MAGI1: variants seen among roughly 807,000 people sequenced by gnomAD.
MAGI1 encodes membrane associated guanylate kinase, WW and PDZ domain containing 1.
A neutral mutation model predicts 139.9 loss-of-function variants in MAGI1; 58 were observed. The observed-to-expected ratio is 0.41, with a 90% CI of 0.34 to 0.52. The LOEUF is 0.52. MAGI1 is among the 20% of genes least tolerant of loss of function. The pLI, the probability that MAGI1 is intolerant of heterozygous loss-of-function variation, is 0.12. For synonymous variants in MAGI1, 812 were observed against 737.9 expected (o/e 1.10, Z -1.63); for missense variants, 1,874 against 1,901.6 (o/e 0.99, Z 0.27).
At chr3:65,969,105 T>C (rs977420620) in intron 1 of MAGI1, among the ~76,000 whole-genome samples, 1 of 152,198 alleles carries the variant, frequency 6.6e-6, no homozygotes, top group Non-Finnish European at 1.5e-5. Flanking sequence ...AGGTCCTTCA[T>C]AGAACCCAAG....
chr3:65,855,133 G>T (rs2059330797), intron 1 of MAGI1, among the ~76,000 whole-genome samples: 1 of 152,100 alleles, frequency 6.6e-6, no homozygotes, highest in Admixed American at 6.5e-5. Context: ...TGAGTTTACA[G>T]CCTGAAGCAC....
At chr3:65,402,998 TAC>T (rs1945034504) in intron 12 of MAGI1, among the ~76,000 whole-genome samples, 1 of 152,172 alleles carries the variant, frequency 6.6e-6, no homozygotes, top group Non-Finnish European at 1.5e-5. Flanking sequence ...GAGATTCTGA[TAC>T]AGAGAATCTG....
At chr3:65,376,379 T>A (rs1448000020) in intron 17 of MAGI1, among the ~76,000 whole-genome samples, 1 of 152,230 alleles carries the variant, frequency 6.6e-6, no homozygotes, top group Non-Finnish European at 1.5e-5. Context: ...CCAGCTGTTG[T>A]TTAAGCTTCT....
At chr3:65,950,239 G>C (rs1441120341) in intron 1 of MAGI1, among the ~76,000 whole-genome samples, 2 of 151,390 alleles carry the variant, frequency 1.3e-5, no homozygotes, top group Non-Finnish European at 2.9e-5. Context: ...GACCACCCAA[G>C]TGGGTAACTT....
chr3:65,968,708 T>C (rs2107161361), intron 1 of MAGI1, among the ~76,000 whole-genome samples: 1 of 152,170 alleles, frequency 6.6e-6, no homozygotes, highest in South Asian at 2.1e-4. Context: ...GTCAGGATAT[T>C]AGAGACTTTT....
intron 1 of MAGI1, among the ~76,000 whole-genome samples, chr3:65,734,242 G>T (rs939302578): frequency 6.6e-6 from 1 of 152,008 alleles, no homozygotes; most frequent in South Asian, 2.1e-4. Flanking sequence ...TGGGAGGAAG[G>T]CTTGATCCCA....
chr3:65,734,576 AGAGAGAGAGAGG>A, intron 1 of MAGI1, among the ~76,000 whole-genome samples: 1 of 151,014 alleles, frequency 6.6e-6, no homozygotes, highest in Middle Eastern at 3.4e-3. Flanking sequence ...AGAGGGAGAG[AGAGAGAGAGAGG>A]GAGAGAGAGA....
At chr3:65,359,070 T>TG (rs771658520) in intron 22 of MAGI1, 1 of 1,613,898 alleles carries the variant, frequency 6.2e-7, no homozygotes, top group East Asian at 2.2e-5. Flanking sequence ...AAACCGTAGT[T>TG]TGATTATGGC....
At chr3:65,853,227 T>A (rs527352465) in intron 1 of MAGI1, among the ~76,000 whole-genome samples, 2 of 152,298 alleles carry the variant, frequency 1.3e-5, no homozygotes, top group South Asian at 2.1e-4. Context: ...GCATCTTTGT[T>A]AATTCATAAC....
chr3:65,678,013 T>C (rs1263543356), intron 1 of MAGI1, among the ~76,000 whole-genome samples: 2 of 152,226 alleles, frequency 1.3e-5, no homozygotes, highest in East Asian at 1.9e-4. Context: ...TGAGTTCATG[T>C]CCTTTGCAGG....
chr3:65,407,503 G>C (rs1408700880), intron 12 of MAGI1, among the ~76,000 whole-genome samples: 1 of 150,882 alleles, frequency 6.6e-6, no homozygotes, highest in Non-Finnish European at 1.5e-5. Context: ...ACTGAGTAGA[G>C]AGATGTGTTA....
At chr3:65,707,765 G>T (rs2030622188) in intron 1 of MAGI1, among the ~76,000 whole-genome samples, 1 of 147,580 alleles carries the variant, frequency 6.8e-6, no homozygotes, top group African/African-American at 2.5e-5. Context: ...AAGATAAAAA[G>T]ATATTTCACC....
intron 2 of MAGI1, among the ~76,000 whole-genome samples, chr3:65,507,688 T>A (rs761246143): frequency 6.6e-6 from 1 of 152,240 alleles, no homozygotes; most frequent in Non-Finnish European, 1.5e-5. Context: ...CAAAATCATT[T>A]AGACCCAGCT....
rs1249532321 is a variant in MAGI1, at chr3:65,934,406, A to G, written c.313+103590T>C. Among the ~76,000 whole-genome samples, 3 of 152,290 alleles carry G rather than the reference A, an allele frequency of 2.0e-5. No individual in the cohort carries two copies. In the East Asian group the frequency reaches 5.8e-4, roughly 29 times the overall value. Reference sequence around the variant, plus strand: ...TTCTAAATACAACAGAGGTTCAGAAAAAGAAGAAACAATAGGTCGGATAAA... The same window carrying G: ...TTCTAAATACAACAGAGGTTCAGAAGAAGAAGAAACAATAGGTCGGATAAA... On this transcript the variant is annotated intron_variant, in intron 1 of 22. Transcript: ENST00000402939.
chr3:65,534,753 G>A (rs576354743), intron 2 of MAGI1, among the ~76,000 whole-genome samples: 24 of 152,270 alleles, frequency 1.6e-4, no homozygotes, highest in African/African-American at 5.3e-4. Context: ...TTTGAACCCA[G>A]GTCTGGCTGC....
chr3:65,554,314 A>G (rs1355017231), intron 2 of MAGI1, among the ~76,000 whole-genome samples: 2 of 152,222 alleles, frequency 1.3e-5, no homozygotes, highest in African/African-American at 4.8e-5. Context: ...CTATATCCCT[A>G]GACTAGAGAA....
intron 1 of MAGI1, among the ~76,000 whole-genome samples, chr3:65,962,529 C>T (rs1223464389): frequency 6.6e-6 from 1 of 152,052 alleles, no homozygotes; most frequent in Non-Finnish European, 1.5e-5. Context: ...TACATCAAAA[C>T]GTCCATTAGA....
At chr3:65,483,947 C>G (rs910878349) in intron 3 of MAGI1, among the ~76,000 whole-genome samples, 6 of 152,168 alleles carry the variant, frequency 3.9e-5, no homozygotes, top group Non-Finnish European at 7.3e-5. Context: ...GGAATTTAAG[C>G]TAGGATGAAT....
In MAGI1 at chr3:65,448,046, T is replaced by C; in HGVS notation, c.1054A>G (p.Thr352Ala). ...EECEDDEGVHTEELDSELELP... is the reference protein window; with the variant it reads ...EECEDDEGVHAEELDSELELP... ...CCTAGTTCACTGTCCAGCTCCTCGG[T>C]GTGTACCCCTTCTTCTCCAAAGGAA... The change falls in exon 7 of 23, where the codon ACC becomes GCC. Residue 352 changes from threonine (T) to alanine (A), a missense_variant. Physicochemically the swap from Thr to Ala is moderately conservative, Grantham distance 58 (BLOSUM62 0). Transcript: ENST00000402939. The C allele has an allele frequency of 1.4e-5, 22 of 1,614,008 alleles. No individual in the cohort carries two copies. Among genetic ancestry groups the C allele is most frequent in the East Asian group, 2.2e-5 (1 of 44,864 alleles).
Sources: gnomAD v4.1 joint callset for allele counts (sites outside exome capture counted in the v4.1 genomes callset) on GRCh38, gnomAD v4.1.1 for gene constraint, MANE v1.5 for transcripts, NCBI Gene and HGNC (gene_info 2026-07-23, HGNC 2026-07-21) for gene names.